GRM8: variants seen among roughly 807,000 people sequenced by gnomAD.
GRM8 encodes the protein glutamate metabotropic receptor 8.
GRM8 carries 47 observed loss-of-function variants against 87.2 expected under a neutral mutation model. The ratio of observed to expected loss-of-function variants is 0.54; its 90% CI spans 0.43 to 0.69. The LOEUF (loss-of-function observed/expected upper bound fraction) is 0.69, where lower values mean the gene tolerates loss of function less well. Among genes scored for constraint, GRM8 ranks in the 30% least tolerant of loss-of-function variants. GRM8 has a pLI of 0.00. For missense variants in GRM8, 1,019 were observed against 1,139.2 expected (o/e 0.89, Z 1.52); for synonymous variants, 396 against 404.5 (o/e 0.98, Z 0.25).
intron 2 of GRM8, among the ~76,000 whole-genome samples, chr7:127,121,225 G>A (rs2133180411): frequency 6.6e-6 from 1 of 152,328 alleles, no homozygotes; most frequent in South Asian, 2.1e-4. Flanking sequence ...AAGCCTGCAT[G>A]TCTTGGCGAA....
intron 7 of GRM8, among the ~76,000 whole-genome samples, chr7:126,711,243 A>T (rs2151426058): frequency 6.6e-6 from 1 of 152,320 alleles, no homozygotes; most frequent in South Asian, 2.1e-4. Context: ...TGCTTGATCC[A>T]TGGGCTGAAG....
At chr7:127,182,113 T>C (rs927400563) in intron 2 of GRM8, among the ~76,000 whole-genome samples, 2 of 151,678 alleles carry the variant, frequency 1.3e-5, no homozygotes, top group Non-Finnish European at 2.9e-5. Flanking sequence ...AGGACTAATA[T>C]CCAAAATCTA....
At chr7:127,214,464 T>G (rs1796401590) in intron 2 of GRM8, among the ~76,000 whole-genome samples, 1 of 152,226 alleles carries the variant, frequency 6.6e-6, no homozygotes, top group South Asian at 2.1e-4. Context: ...TTCACACTGC[T>G]ATAAAGAACG....
intron 9 of GRM8, among the ~76,000 whole-genome samples, chr7:126,516,111 T>C (rs1415939249): frequency 6.6e-6 from 1 of 152,064 alleles, no homozygotes; most frequent in African/African-American, 2.4e-5. Context: ...CAACTTTTTG[T>C]TTGTTGTTTA....
At chr7:127,014,322 A>G (rs1322769180) in intron 3 of GRM8, among the ~76,000 whole-genome samples, 1 of 152,166 alleles carries the variant, frequency 6.6e-6, no homozygotes, top group Non-Finnish European at 1.5e-5. Context: ...CTAGTACTCA[A>G]AAGCTCCACC....
intron 6 of GRM8, among the ~76,000 whole-genome samples, chr7:126,864,289 A>G (rs1586239600): frequency 1.3e-5 from 2 of 152,110 alleles, no homozygotes; most frequent in South Asian, 4.1e-4. Context: ...TCTCTACTAC[A>G]TACAGTTACC....
chr7:126,800,603 T>C (rs1276689660), intron 6 of GRM8, among the ~76,000 whole-genome samples: 1 of 152,154 alleles, frequency 6.6e-6, no homozygotes, highest in African/African-American at 2.4e-5. Context: ...TTGGAGGGCA[T>C]GAAGTTTCAA....
At chr7:127,085,665 T>C (rs187312978) in intron 3 of GRM8, among the ~76,000 whole-genome samples, 5 of 152,366 alleles carry the variant, frequency 3.3e-5, no homozygotes, top group African/African-American at 1.2e-4. Context: ...TTGTTTTTTC[T>C]TGTAAACTTG....
At chr7:126,574,083 A>T (rs4141361) in intron 8 of GRM8, among the ~76,000 whole-genome samples, 46,969 of 152,122 alleles carry the variant, frequency 0.31, 8,134 homozygotes, top group East Asian at 0.44. Flanking sequence ...TAAAATAAAA[A>T]CTTCAAAAGA....
At chr7:126,926,233 G>A (rs1805101566) in intron 3 of GRM8, among the ~76,000 whole-genome samples, 1 of 152,114 alleles carries the variant, frequency 6.6e-6, no homozygotes, top group Non-Finnish European at 1.5e-5. Flanking sequence ...TTAAATTATA[G>A]CTCATAGAAA....
chr7:126,572,273 G>A (rs2150988329), intron 8 of GRM8, among the ~76,000 whole-genome samples: 1 of 152,234 alleles, frequency 6.6e-6, no homozygotes, highest in Middle Eastern at 3.4e-3. Context: ...GAGAGACAGT[G>A]TTAGCAAGAT....
intron 1 of GRM8, 82 bp from the exon 2 acceptor site, chr7:127,243,597 TAA>T: frequency 6.0e-6 from 1 of 165,718 alleles, no homozygotes. Context: ...GCCAGCCTCT[TAA>T]AAAAAAAATC....
chr7:126,792,911 T>G (rs1585957365), intron 6 of GRM8, among the ~76,000 whole-genome samples: 1 of 152,292 alleles, frequency 6.6e-6, no homozygotes, highest in East Asian at 1.9e-4. Context: ...AAGATACATG[T>G]TCCTTCAACA....
At chr7:127,131,626 T>G (rs1827697050) in intron 2 of GRM8, among the ~76,000 whole-genome samples, 1 of 152,176 alleles carries the variant, frequency 6.6e-6, no homozygotes, top group East Asian at 1.9e-4. Context: ...CCCAAGTTCC[T>G]AATTTTCTTA....
chr7:126,660,830 T>G (rs1258875561), intron 7 of GRM8, among the ~76,000 whole-genome samples: 2 of 152,244 alleles, frequency 1.3e-5, no homozygotes, highest in Non-Finnish European at 2.9e-5. Flanking sequence ...AAATATTTTT[T>G]GGGAAAGTCC....
rs1411175168 is a variant in GRM8 at position 127,087,531 on chromosome 7, A to T, written c.727+18965T>A. Among the ~76,000 whole-genome samples the T allele has an allele frequency of 2.0e-5, 3 of 152,226 alleles. No individual in the cohort carries two copies. In the South Asian group the frequency reaches 6.2e-4, roughly 31 times the overall value. ...ACAAGTACTGCAAGACTCCATTTATATGAGGTATCTAAAATAGCTAAGTTC... is the reference window on the plus strand; with the variant it reads ...ACAAGTACTGCAAGACTCCATTTATTTGAGGTATCTAAAATAGCTAAGTTC... On this transcript the variant is annotated intron_variant, in intron 3 of 10. Transcript: ENST00000339582.
chr7:126,864,766 TTTTTA>T (rs1451845374), intron 6 of GRM8, among the ~76,000 whole-genome samples: 2 of 152,278 alleles, frequency 1.3e-5, no homozygotes, highest in African/African-American at 4.8e-5. Flanking sequence ...AGCTGTTGTG[TTTTTA>T]TTTTGTTTTG....
At chr7:126,523,427 C>G (rs996822645) in intron 9 of GRM8, among the ~76,000 whole-genome samples, 2 of 151,850 alleles carry the variant, frequency 1.3e-5, no homozygotes, top group Non-Finnish European at 2.9e-5. Flanking sequence ...ATTGGCTACT[C>G]ACAGAAAAAG....
At chr7:127,189,103 G>C (rs1794887664) in intron 2 of GRM8, among the ~76,000 whole-genome samples, 1 of 152,172 alleles carries the variant, frequency 6.6e-6, no homozygotes, top group Non-Finnish European at 1.5e-5. Context: ...TCTTTCCAGT[G>C]TGGCATTTCC....
Sources: allele counts gnomAD v4.1 joint callset (sites outside exome capture counted in the v4.1 genomes callset), GRCh38; gene constraint gnomAD v4.1.1; transcripts MANE v1.5; gene names NCBI Gene and HGNC (gene_info 2026-07-23, HGNC 2026-07-21).